SPTLC2: variants seen among roughly 807,000 people sequenced by gnomAD.
SPTLC2 encodes serine palmitoyltransferase 2.
Under a neutral mutation model 62.0 loss-of-function variants are expected in SPTLC2, and 21 were observed. The ratio of observed to expected loss-of-function variants is 0.34; its 90% CI spans 0.24 to 0.49. The LOEUF (loss-of-function observed/expected upper bound fraction) is 0.49. Among genes scored for constraint, SPTLC2 ranks in the 20% least tolerant of loss-of-function variants. The probability of loss-of-function intolerance (pLI) is 0.99; values close to 1 mark genes in which losing one functional copy is unlikely to be tolerated. For synonymous variants in SPTLC2, 261 were observed against 261.8 expected, an observed-to-expected ratio of 1.00 and a Z score of 0.03; for missense variants, 511 against 713.0, an observed-to-expected ratio of 0.72 and a Z score of 3.23.
chr14:77,521,574 C>G lies in SPTLC2; in HGVS notation c.1311G>C (p.Glu437Asp). 1 of 1,614,064 alleles carries G rather than the reference C, an allele frequency of 6.2e-7. No individual in the cohort carries two copies. Among genetic ancestry groups the G allele is most frequent in the Non-Finnish European group, 8.5e-7 (1 of 1,179,956 alleles). Reference sequence around the variant, plus strand: ...TGTTTTCAGCTAACTGTTGTACACACTCTTTACCTGGAAAGTCACGGTGAG... The same window carrying G: ...TGTTTTCAGCTAACTGTTGTACACAGTCTTTACCTGGAAAGTCACGGTGAG... ...MGQDGTSLGK[E>D]CVQQLAENTR... is the part of the protein sequence containing the mutation. Residue 437 changes from glutamate (E) to aspartate (D), a missense_variant, in exon 10 of 12, where the codon GAG becomes GAC. Transcript: ENST00000216484.
Position 77,579,049 on chromosome 14 carries a change from T to C in SPTLC2, c.388A>G (p.Ile130Val), listed in dbSNP as rs766618928. The C allele has an allele frequency of 1.9e-6, 3 of 1,614,128 alleles. No homozygotes were observed. The highest frequency in any genetic ancestry group is 2.5e-6 in the Non-Finnish European group (3 of 1,180,016). The part of the protein sequence containing the change: ...NFYTRNLYMR[I>V]RDNWNRPICS... ...ATTGGCCGATTCCAGTTGTCTCTTA[T>C]CCTCATGTACAGATTCCTTGTATAA... Residue 130 changes from isoleucine to valine, a missense_variant, in exon 3 of 12, where the codon ATA becomes GTA. Transcript: ENST00000216484.
chr14:77,599,543 GGACAGGCATTCA>G (rs2079866130), intron 1 of SPTLC2, among the ~76,000 whole-genome samples: 3 of 152,208 alleles, frequency 2.0e-5, no homozygotes, highest in Admixed American at 6.5e-5. Flanking sequence ...ATGTGACAAA[GGACAGGCATTCA>G]GATAGGCATG....
intron 9 of SPTLC2, among the ~76,000 whole-genome samples, chr14:77,531,463 T>TCCTCCTCCTCCTCCTCCC (rs1228864711): frequency 8.2e-6 from 1 of 121,220 alleles, no homozygotes; most frequent in Non-Finnish European, 1.7e-5. Context: ...CTCCTCCTCC[T>TCCTCCTCCTCCTCCTCCC]CCTCCTCCTC....
chr14:77,516,161 C>G (rs2079358964), intron 11 of SPTLC2, among the ~76,000 whole-genome samples: 1 of 152,162 alleles, frequency 6.6e-6, no homozygotes, highest in African/African-American at 2.4e-5. Context: ...ATGACTTTAA[C>G]AAATCCATGG....
chr14:77,592,754 CCCA>C (rs2079825277), intron 2 of SPTLC2, among the ~76,000 whole-genome samples: 2 of 152,080 alleles, frequency 1.3e-5, no homozygotes, highest in African/African-American at 2.4e-5. Context: ...CCTCTTCCTA[CCCA>C]CCACAAGTGT....
intron 2 of SPTLC2, among the ~76,000 whole-genome samples, chr14:77,590,742 A>T (rs567887840): frequency 6.6e-6 from 1 of 152,310 alleles, no homozygotes; most frequent in Admixed American, 6.5e-5. Flanking sequence ...AAATAAAAAT[A>T]AATAAAGTAT....
chr14:77,597,456 G>A (rs1334550854), intron 1 of SPTLC2, 76 bp from the exon 2 acceptor site: 1 of 1,389,392 alleles, frequency 7.2e-7, no homozygotes, highest in Non-Finnish European at 1.0e-6. Flanking sequence ...GGTCCTTAGA[G>A]ATTTGCTGAA....
At chr14:77,549,755 G>T (rs908297234) in intron 9 of SPTLC2, among the ~76,000 whole-genome samples, 1 of 152,166 alleles carries the variant, frequency 6.6e-6, no homozygotes, top group East Asian at 1.9e-4. Context: ...AACTTGTGCT[G>T]ATCCAAAGCC....
At position 77,578,976 on chromosome 14, in the gene SPTLC2, T is replaced by C. The variant is rs1426663035; in HGVS notation, c.461A>G (p.His154Arg). Residue 154 changes from histidine to arginine, a missense_variant, in exon 3 of 12, where the codon CAT becomes CGT. Coordinates refer to ENST00000216484, the MANE Select transcript of SPTLC2 (RefSeq NM_004863.4). ...ARVDIMERQS[H>R]DYNWSFKYTG... Reference sequence around the variant, plus strand: ...TCACTTGAAGGACCAGTTATAATCATGAGACTGTCTCTCCATGATGTCCAC... The same window carrying C: ...TCACTTGAAGGACCAGTTATAATCACGAGACTGTCTCTCCATGATGTCCAC... 2 of 1,613,990 alleles carry C rather than the reference T, an allele frequency of 1.2e-6. No individual in the cohort carries two copies. Among genetic ancestry groups the C allele is most frequent in the African/African-American group, 2.7e-5 (2 of 74,908 alleles).
intron 4 of SPTLC2, among the ~76,000 whole-genome samples, chr14:77,574,987 C>T (rs1244727520): frequency 1.3e-5 from 2 of 152,126 alleles, no homozygotes; most frequent in African/African-American, 4.8e-5. Context: ...TTAGGAGAAT[C>T]ACTTGAGGCC....
intron 5 of SPTLC2, among the ~76,000 whole-genome samples, chr14:77,564,968 G>A (rs2079636535): frequency 1.3e-5 from 2 of 151,824 alleles, no homozygotes; most frequent in South Asian, 4.2e-4. Context: ...AGCCGGGTGC[G>A]GTGGCTCACG....
chr14:77,600,422 T>C (rs908533787), intron 1 of SPTLC2, among the ~76,000 whole-genome samples: 1 of 152,154 alleles, frequency 6.6e-6, no homozygotes, highest in Non-Finnish European at 1.5e-5. Flanking sequence ...GAAAAGTCTT[T>C]AAACTCTGAG....
chr14:77,577,469 GA>G (rs1433965877), intron 3 of SPTLC2, among the ~76,000 whole-genome samples: 1 of 152,186 alleles, frequency 6.6e-6, no homozygotes, highest in East Asian at 1.9e-4. Context: ...CTGAGATTTT[GA>G]GATTATTAAC....
At chr14:77,551,748 A>T (rs1315877506) in intron 9 of SPTLC2, among the ~76,000 whole-genome samples, 1 of 152,228 alleles carries the variant, frequency 6.6e-6, no homozygotes, top group Non-Finnish European at 1.5e-5. Context: ...GCAGCTCTTA[A>T]CTATGCTGTT....
intron 6 of SPTLC2, among the ~76,000 whole-genome samples, chr14:77,561,464 A>T (rs1189761885): frequency 6.6e-6 from 1 of 151,978 alleles, no homozygotes. Context: ...ACTAAAAATT[A>T]GTCAGGTGTG....
rs755818349 is a variant in SPTLC2 at position 77,597,215 on chromosome 14, G to T, written c.298C>A (p.His100Asn). 4 of 1,614,118 alleles carry T rather than the reference G, an allele frequency of 2.5e-6. No homozygotes were observed. In the East Asian group the frequency reaches 6.7e-5, roughly 27 times the overall value. The part of the protein sequence containing the change: ...FLRYWRIEKC[H>N]HATEREEQKD... ...TGTTCTTCTCTTTCTGTTGCATGGT[G>T]ACACTTTTCAATTCTCCAATACCTC... The change falls in exon 2 of 12, where the codon CAC (histidine) becomes AAC (asparagine). Residue 100 changes from histidine to asparagine, a missense_variant. Transcript: ENST00000216484.
intron 9 of SPTLC2, among the ~76,000 whole-genome samples, chr14:77,532,878 G>GA (rs2079448488): frequency 6.6e-6 from 1 of 152,102 alleles, no homozygotes; most frequent in South Asian, 2.1e-4. Flanking sequence ...CACTACAATT[G>GA]AAATTATGAG....
intron 1 of SPTLC2, among the ~76,000 whole-genome samples, chr14:77,615,381 T>C (rs2079960860): frequency 6.6e-6 from 1 of 152,210 alleles, no homozygotes; most frequent in Non-Finnish European, 1.5e-5. Flanking sequence ...TAACTACTCA[T>C]CTGGGGAGTA....
chr14:77,542,071 A>AAAAC (rs2079503825), intron 9 of SPTLC2, among the ~76,000 whole-genome samples: 1 of 151,844 alleles, frequency 6.6e-6, no homozygotes, highest in African/African-American at 2.4e-5. Context: ...CGGAAAAAAA[A>AAAAC]AAAAAAACCA....
Sources: allele counts gnomAD v4.1 joint callset (sites outside exome capture counted in the v4.1 genomes callset), GRCh38; gene constraint gnomAD v4.1.1; transcripts MANE v1.5; gene names NCBI Gene and HGNC (gene_info 2026-07-23, HGNC 2026-07-21).